Variants in EPS15 observed in about 807,000 individuals in gnomAD.
EPS15 encodes epidermal growth factor receptor substrate 15.
EPS15 carries 72 observed loss-of-function variants against 113.8 expected under a neutral mutation model. That is an observed-to-expected ratio of 0.63 (90% CI 0.52 to 0.77). The LOEUF is 0.77. Among genes scored for constraint, EPS15 ranks in the 30% least tolerant of loss-of-function variants. The pLI is 0.00. For synonymous variants in EPS15, 344 were observed against 363.4 expected (o/e 0.95, Z 0.61); for missense variants, 1,048 against 1,045.8 (o/e 1.00, Z -0.03).
intron 15 of EPS15, 72 bp downstream of exon 15, chr1:51,408,063 G>A (rs914349356): frequency 7.6e-7 from 1 of 1,322,172 alleles, no homozygotes; most frequent in African/African-American, 1.4e-5. Context: ...AGGAGCAGAA[G>A]TTGGAAAGTA....
chr1:51,388,649 C>A (rs1411099360), intron 21 of EPS15, among the ~76,000 whole-genome samples: 3 of 152,006 alleles, frequency 2.0e-5, no homozygotes, highest in Non-Finnish European at 1.5e-5. Flanking sequence ...ACCACCGATC[C>A]CACAGAAATA....
chr1:51,381,019 G>C (rs1004034240), intron 21 of EPS15, among the ~76,000 whole-genome samples: 2 of 152,220 alleles, frequency 1.3e-5, no homozygotes, highest in South Asian at 4.1e-4. Flanking sequence ...CACCAAACAT[G>C]CTTCTTCAAT....
intron 21 of EPS15, among the ~76,000 whole-genome samples, chr1:51,388,851 A>G (rs1349429076): frequency 6.6e-6 from 1 of 152,164 alleles, no homozygotes; most frequent in African/African-American, 2.4e-5. Flanking sequence ...AAAAGAGTCC[A>G]GGACCAGATG....
intron 1 of EPS15, among the ~76,000 whole-genome samples, chr1:51,490,788 AACCCAC>A (rs1644219329): frequency 6.6e-6 from 1 of 152,148 alleles, no homozygotes; most frequent in Non-Finnish European, 1.5e-5. Flanking sequence ...CAGTTACATG[AACCCAC>A]ACATAATAAA....
chr1:51,369,936 T>C (rs191943054), intron 21 of EPS15, among the ~76,000 whole-genome samples: 6 of 152,324 alleles, frequency 3.9e-5, no homozygotes, highest in Non-Finnish European at 7.4e-5. Context: ...AAACTGTCTA[T>C]TAAGAATCGT....
chr1:51,404,482 T>C (rs952125118), intron 16 of EPS15, among the ~76,000 whole-genome samples: 13 of 152,214 alleles, frequency 8.5e-5, no homozygotes, highest in African/African-American at 2.9e-4. Context: ...GAATATTTTA[T>C]AATGCATACA....
At chr1:51,417,419 G>C (rs1557448517) in intron 13 of EPS15, among the ~76,000 whole-genome samples, 1 of 152,060 alleles carries the variant, frequency 6.6e-6, no homozygotes, top group Non-Finnish European at 1.5e-5. Context: ...ATTCACTTCT[G>C]CTGTGAACAG....
chr1:51,367,519 C>T (rs1017234254), intron 21 of EPS15, among the ~76,000 whole-genome samples: 3 of 152,140 alleles, frequency 2.0e-5, no homozygotes, highest in Non-Finnish European at 4.4e-5. Context: ...TGACACTGCA[C>T]TCCAGCCTGG....
intron 1 of EPS15, among the ~76,000 whole-genome samples, chr1:51,497,725 T>C (rs2148546141): frequency 6.6e-6 from 1 of 152,296 alleles, no homozygotes; most frequent in Admixed American, 6.5e-5. Flanking sequence ...ATGCCTGTAA[T>C]TCCAGCACTT....
intron 13 of EPS15, among the ~76,000 whole-genome samples, chr1:51,413,818 G>A (rs776990228): frequency 6.6e-6 from 1 of 151,876 alleles, no homozygotes; most frequent in Non-Finnish European, 1.5e-5. Context: ...GTATAATCAC[G>A]GCTCACTGTA....
chr1:51,495,645 C>T (rs1407018654), intron 1 of EPS15, among the ~76,000 whole-genome samples: 1 of 151,854 alleles, frequency 6.6e-6, no homozygotes, highest in Non-Finnish European at 1.5e-5. Flanking sequence ...ATATTTATTA[C>T]TTGTTCCATT....
intron 2 of EPS15, 65 bp downstream of exon 2, chr1:51,481,208 T>TA (rs1250143647): frequency 2.4e-6 from 2 of 840,226 alleles, no homozygotes; most frequent in Admixed American, 1.8e-5. Context: ...TCTACAGGCA[T>TA]ACAATCAAGA....
Position 51,365,967 on chromosome 1 carries a change from T to C in EPS15, c.2182A>G (p.Ser728Gly). The C allele has an allele frequency of 6.2e-7, 1 of 1,611,342 alleles. No individual in the cohort carries two copies. Among genetic ancestry groups the C allele is most frequent in the Non-Finnish European group, 8.5e-7 (1 of 1,177,934 alleles). ...ESFGGGFADFSTLSKVNNEDP... is the reference protein window; with the variant it reads ...ESFGGGFADFGTLSKVNNEDP... ...CTGTAGATTACCTTTGACAATGTGC[T>C]GAAGTCAGCAAATCCACCTCCAAAT... Residue 728 changes from serine (S) to glycine (G), a missense_variant, in exon 22 of 25, where the codon AGC (serine) becomes GGC (glycine). By Grantham distance (56) the Ser-to-Gly change is moderately conservative. Transcript: ENST00000371733.
At chr1:51,447,764 C>G (rs1259743292) in intron 9 of EPS15, among the ~76,000 whole-genome samples, 2 of 152,114 alleles carry the variant, frequency 1.3e-5, no homozygotes, top group Non-Finnish European at 2.9e-5. Context: ...GACCCAAGGC[C>G]TAATGTAGAA....
At position 51,364,022 on chromosome 1, in the gene EPS15, T is replaced by C. The variant is rs1214017293; in HGVS notation, c.2203A>G (p.Asn735Asp). 3.7e-6 allele frequency: 6 copies of C among 1,609,004 alleles called. No individual in the cohort carries two copies. Among genetic ancestry groups the C allele is most frequent in the South Asian group, 1.1e-5 (1 of 90,174 alleles). The change falls in exon 23 of 25, where the codon AAT becomes GAT. Residue 735 changes from asparagine to aspartate, a missense_variant. By Grantham distance (23) the Asn-to-Asp change is conservative. Coordinates refer to ENST00000371733, the MANE Select transcript of EPS15 (RefSeq NM_001981.3). ...GTGGCTGAACGAAAAGGATCTTCAT[T>C]GTTGACCTTTGTTTAAAAAGAAATG... Reference protein sequence around the residue: ...ADFSTLSKVNNEDPFRSATSS... With the variant: ...ADFSTLSKVNDEDPFRSATSS...
At chr1:51,504,803 A>G (rs1213991385) in intron 1 of EPS15, among the ~76,000 whole-genome samples, 1 of 152,190 alleles carries the variant, frequency 6.6e-6, no homozygotes, top group East Asian at 1.9e-4. Context: ...CTGCTGGTAC[A>G]AATATAAATG....
At chr1:51,378,000 A>G (rs1207335523) in intron 21 of EPS15, among the ~76,000 whole-genome samples, 1 of 151,670 alleles carries the variant, frequency 6.6e-6, no homozygotes, top group Non-Finnish European at 1.5e-5. Flanking sequence ...GGTTCAAGCA[A>G]TTCTCCTGCC....
intron 21 of EPS15, among the ~76,000 whole-genome samples, chr1:51,388,622 C>A (rs1316534591): frequency 2.0e-5 from 3 of 151,950 alleles, no homozygotes; most frequent in Admixed American, 6.6e-5. Context: ...GCAATAAAAA[C>A]TGATAAAGGG....
intron 12 of EPS15, among the ~76,000 whole-genome samples, chr1:51,428,082 T>C (rs1226394446): frequency 2.6e-5 from 4 of 151,960 alleles, no homozygotes; most frequent in Non-Finnish European, 5.9e-5. Context: ...AATGAAATGA[T>C]ATATTTAAAG....
Sources: gnomAD v4.1 joint callset for allele counts (sites outside exome capture counted in the v4.1 genomes callset) on GRCh38, gnomAD v4.1.1 for gene constraint, MANE v1.5 for transcripts, NCBI Gene and HGNC (gene_info 2026-07-23, HGNC 2026-07-21) for gene names.